Variants in CD2AP observed in about 807,000 individuals in gnomAD.
CD2AP encodes CD2 associated protein.
CD2AP carries 46 observed loss-of-function variants against 85.1 expected under a neutral mutation model. The ratio of observed to expected loss-of-function variants is 0.54; its 90% CI spans 0.43 to 0.69. The LOEUF (loss-of-function observed/expected upper bound fraction) is 0.69. CD2AP is among the 30% of genes least tolerant of loss of function. The pLI is 0.00. For missense variants in CD2AP, 769 were observed against 729.5 expected (o/e 1.05, Z -0.62); for synonymous variants, 255 against 252.9 (o/e 1.01, Z -0.08).
chr6:47,509,678 A>C (rs1766265916), intron 2 of CD2AP, among the ~76,000 whole-genome samples: 1 of 152,184 alleles, frequency 6.6e-6, no homozygotes, highest in Admixed American at 6.5e-5. Flanking sequence ...TACTATGGAA[A>C]CTGAAGTCAG....
In CD2AP at chr6:47,531,620, T is replaced by A. The variant is rs1766877881; in HGVS notation, c.166-1982T>A. Reference sequence around the variant, plus strand: ...TTCCTGCAACAGCACAACTCTCAAATTTTGGAAATGATAGGTTACCAGTAC... The same window carrying A: ...TTCCTGCAACAGCACAACTCTCAAAATTTGGAAATGATAGGTTACCAGTAC... On this transcript the variant is annotated intron_variant, in intron 2 of 17. Coordinates refer to ENST00000359314, the MANE Select transcript of CD2AP (RefSeq NM_012120.3). Among the ~76,000 whole-genome samples, 3 of 151,840 alleles carry A rather than the reference T, an allele frequency of 2.0e-5. No homozygotes were observed. The South Asian group carries it at 6.3e-4, about 32-fold the overall frequency.
At chr6:47,612,625 A>C in intron 17 of CD2AP, 89 bp downstream of exon 17, 1 of 834,600 alleles carries the variant, frequency 1.2e-6, no homozygotes, top group South Asian at 1.4e-5. Context: ...TTCCTGTACA[A>C]ATTATGCTAT....
Position 47,577,098 on chromosome 6 carries a change from A to C in CD2AP, c.898A>C (p.Ser300Arg). Residue 300 changes from serine to arginine, a missense_variant, in exon 8 of 18, where the codon AGT becomes CGT. Physicochemically the swap from Ser to Arg is moderately radical, Grantham distance 110 (BLOSUM62 -1). Transcript: ENST00000359314. ...AGAGGGGGAGATAATCCATTTGATA[A>C]GTAAGGTAAGGTGTTTCTGTTTTTC... ...FKEGEIIHLI[S>R]KETGEAGWWR... The C allele has an allele frequency of 6.8e-7, 1 of 1,478,580 alleles. No homozygotes were observed. Among genetic ancestry groups the C allele is most frequent in the Non-Finnish European group, 9.5e-7 (1 of 1,056,998 alleles). The allele number at this position is 1,478,580 out of a possible 1,614,324, so 91.6% of individuals were successfully genotyped here.
intron 11 of CD2AP, among the ~76,000 whole-genome samples, chr6:47,588,306 C>T (rs1409808796): frequency 6.6e-6 from 1 of 152,058 alleles, no homozygotes; most frequent in African/African-American, 2.4e-5. Context: ...GGTTAAACTC[C>T]ATGAGGGAAA....
At chr6:47,580,939 T>G (rs999698823) in intron 10 of CD2AP, 39 bp downstream of exon 10, 1 of 1,428,816 alleles carries the variant, frequency 7.0e-7, no homozygotes, top group Non-Finnish European at 9.9e-7. Flanking sequence ...CTATTTTCCA[T>G]TTTTTAAAAT....
At chr6:47,605,932 G>C (rs1769257670) in intron 13 of CD2AP, among the ~76,000 whole-genome samples, 1 of 151,440 alleles carries the variant, frequency 6.6e-6, no homozygotes, top group South Asian at 2.1e-4. Flanking sequence ...CCTTTATAGT[G>C]TTAATAAAGT....
chr6:47,580,702 A>T (rs1768453956), intron 9 of CD2AP, among the ~76,000 whole-genome samples, 162 bp from the exon 10 acceptor site: 1 of 152,120 alleles, frequency 6.6e-6, no homozygotes, highest in Non-Finnish European at 1.5e-5. Flanking sequence ...GTTGTCATTG[A>T]CTTTTTGGGT....
At chr6:47,498,006 C>G (rs1367863420) in intron 1 of CD2AP, among the ~76,000 whole-genome samples, 4 of 151,984 alleles carry the variant, frequency 2.6e-5, no homozygotes, top group Admixed American at 6.6e-5. Flanking sequence ...ATGTCTTCCT[C>G]TGTTTTGGTT....
chr6:47,486,294 C>T (rs1765561902), intron 1 of CD2AP, among the ~76,000 whole-genome samples: 1 of 152,160 alleles, frequency 6.6e-6, no homozygotes, highest in African/African-American at 2.4e-5. Context: ...TGGGTTCTGA[C>T]ATAAATGCTT....
chr6:47,532,376 TACACACACACACAC>T (rs10522555), intron 2 of CD2AP, among the ~76,000 whole-genome samples: 70,238 of 141,862 alleles, frequency 0.5, 18,722 homozygotes, highest in Middle Eastern at 0.62. Flanking sequence ...TATATATGTA[TACACACACACACAC>T]ACACACACAC....
intron 3 of CD2AP, among the ~76,000 whole-genome samples, chr6:47,540,250 T>C (rs1490313801): frequency 1.3e-5 from 2 of 151,812 alleles, no homozygotes; most frequent in East Asian, 1.9e-4. Context: ...TAATTTCATG[T>C]ATCCTTTTAT....
intron 4 of CD2AP, among the ~76,000 whole-genome samples, chr6:47,554,059 C>T (rs572740913): frequency 1.2e-4 from 19 of 152,072 alleles, no homozygotes; most frequent in African/African-American, 4.1e-4. Context: ...ACTACAGGCG[C>T]GAACCACCAT....
At position 47,574,073 on chromosome 6, in the gene CD2AP, T is replaced by C. The variant is rs138163915; in HGVS notation, c.551T>C (p.Leu184Ser). Residue 184 changes from leucine (L) to serine (S), a missense_variant, in exon 6 of 18, where the codon TTG becomes TCG. Transcript: ENST00000359314. ...CAAATTATTGTTTCAGAAACTGTTT[T>C]GGCTGGGCCTACTTCACCTATACCT... ...HEAQDDSETV[L>S]AGPTSPIPSL... 35 of 1,614,022 alleles carry C rather than the reference T, an allele frequency of 2.2e-5. No homozygotes were observed. In the African/African-American group the frequency reaches 3.9e-4, roughly 18 times the overall value.
At chr6:47,554,962 TTCTC>T (rs1767640983) in intron 5 of CD2AP, among the ~76,000 whole-genome samples, 196 bp downstream of exon 5, 1 of 152,206 alleles carries the variant, frequency 6.6e-6, no homozygotes, top group African/African-American at 2.4e-5. Context: ...ATATTTTTCT[TTCTC>T]TGATTTCTGC....
chr6:47,541,567 G>T (rs565932525), intron 3 of CD2AP, among the ~76,000 whole-genome samples: 1 of 152,272 alleles, frequency 6.6e-6, no homozygotes, highest in African/African-American at 2.4e-5. Flanking sequence ...CTACTTGATG[G>T]TTATCTCTGT....
chr6:47,494,703 A>C (rs1765814642), intron 1 of CD2AP, among the ~76,000 whole-genome samples: 2 of 152,220 alleles, frequency 1.3e-5, no homozygotes, highest in African/African-American at 4.8e-5. Flanking sequence ...CCCCCATAGG[A>C]CAGCATTCTC....
chr6:47,505,147 CT>C, intron 2 of CD2AP, among the ~76,000 whole-genome samples: 2 of 86,832 alleles, frequency 2.3e-5, no homozygotes, highest in African/African-American at 3.8e-5. Flanking sequence ...GAACAAAGGT[CT>C]CGTTTTCCTA....
chr6:47,609,053 T>A, intron 15 of CD2AP, 70 bp from the exon 16 acceptor site: 1 of 1,201,176 alleles, frequency 8.3e-7, no homozygotes. Flanking sequence ...TTTTTCTTCT[T>A]GCTGTTAAAA....
In CD2AP at chr6:47,624,872, A is replaced by G. The variant is rs1314718918; in HGVS notation, c.*645A>G. ...TTACTCACCCATGCATATAGTAAGA[A>G]CTAATGAATAATCAAAATAATTTCA... On this transcript the variant is annotated 3_prime_UTR_variant, in exon 18 of 18. Transcript: ENST00000359314. 3.3e-5 allele frequency: 5 copies of G among 151,956 alleles called. No individual in the cohort carries two copies. The highest frequency in any genetic ancestry group is 1.2e-4 in the African/African-American group (5 of 41,408). 9.4% of individuals were successfully genotyped at this position (151,956 alleles called of 1,614,324 possible).
Sources: gnomAD v4.1 joint callset for allele counts (sites outside exome capture counted in the v4.1 genomes callset) on GRCh38, gnomAD v4.1.1 for gene constraint, MANE v1.5 for transcripts, NCBI Gene and HGNC (gene_info 2026-07-23, HGNC 2026-07-21) for gene names.